Variants in SHC2 observed in about 807,000 individuals in gnomAD.
The protein encoded by SHC2 is SHC adaptor protein 2.
In SHC2, 62 loss-of-function variants were observed where a neutral mutation model predicts 60.6. The observed-to-expected ratio is 1.02, with a 90% confidence interval of 0.83 to 1.26. The LOEUF (loss-of-function observed/expected upper bound fraction) is 1.26, where lower values mean the gene tolerates loss of function less well. Ranked by LOEUF, SHC2 falls within the 50% of genes most tolerant of loss-of-function variation. The probability of loss-of-function intolerance (pLI) is 0.00; values close to 1 mark genes in which losing one functional copy is unlikely to be tolerated. For missense variants in SHC2, 873 were observed against 822.2 expected (o/e 1.06, Z -0.76); for synonymous variants, 375 against 372.4 (o/e 1.01, Z -0.08).
chr19:446,041 G>A lies in SHC2; in HGVS notation c.469-5109C>T, dbSNP rs1568294660. Among the ~76,000 whole-genome samples, 1 of 151,582 alleles carries A rather than the reference G, an allele frequency of 6.6e-6. No individual in the cohort carries two copies. The highest frequency in any genetic ancestry group is 1.5e-5 in the Non-Finnish European group (1 of 67,888). Reference sequence around the variant, plus strand: ...CTGCACTCGAGCCTGGGTGACAGAGGGAGAGTCTGTCTCAAAATAAAAAAA... The same window carrying A: ...CTGCACTCGAGCCTGGGTGACAGAGAGAGAGTCTGTCTCAAAATAAAAAAA... On this transcript the variant is annotated intron_variant, in intron 1 of 12. Transcript: ENST00000264554. The surrounding 1 kb of genome is among the most constrained non-coding windows in gnomAD (Gnocchi z 5.4).
intron 4 of SHC2, 126 bp from the exon 5 acceptor site, chr19:436,809 TGGACAG>T (rs1974734991): frequency 4.3e-6 from 4 of 933,990 alleles, no homozygotes; most frequent in Non-Finnish European, 6.5e-6. Flanking sequence ...AGACGTCTCC[TGGACAG>T]GCACCCACTG....
chr19:444,842 A>G (rs560355835), intron 1 of SHC2, among the ~76,000 whole-genome samples: 2 of 152,300 alleles, frequency 1.3e-5, no homozygotes, highest in East Asian at 1.9e-4. Flanking sequence ...CTGTGGACAC[A>G]CTGTGCACGT....
At chr19:443,345 T>G (rs978739540) in intron 1 of SHC2, among the ~76,000 whole-genome samples, 1,139 of 47,528 alleles carry the variant, frequency 0.024, no homozygotes, top group Middle Eastern at 0.1. Context: ...TGGATGGATG[T>G]GTAGGTGGAT....
At chr19:421,372 C>A (rs1974265001) in intron 11 of SHC2, among the ~76,000 whole-genome samples, 1 of 139,400 alleles carries the variant, frequency 7.2e-6, no homozygotes, top group South Asian at 2.2e-4. Context: ...TGCATTCCAG[C>A]CGGGGCAACA....
At chr19:454,517 C>T (rs544892230) in intron 1 of SHC2, among the ~76,000 whole-genome samples, 8 of 152,284 alleles carry the variant, frequency 5.3e-5, no homozygotes, top group African/African-American at 1.4e-4. Flanking sequence ...CCGGACGCGA[C>T]GGCGCACACC....
chr19:429,027 A>G (rs977126007), intron 9 of SHC2, among the ~76,000 whole-genome samples: 3 of 150,294 alleles, frequency 2.0e-5, no homozygotes, highest in African/African-American at 2.5e-5. Context: ...GAAACCTAAT[A>G]CCGTGTGGAT....
In SHC2 at chr19:422,471, C is replaced by T; in HGVS notation, c.1310-15G>A. 1 of 1,507,858 alleles carries T rather than the reference C, an allele frequency of 6.6e-7. No individual in the cohort carries two copies. The allele number at this position is 1,507,858 out of a possible 1,614,324, so 93.4% of individuals were successfully genotyped here. On this transcript the variant is annotated splice_polypyrimidine_tract_variant and intron_variant, in intron 10 of 12. Transcript: ENST00000264554. The surrounding 1 kb of genome is among the most constrained non-coding windows in gnomAD (Gnocchi z 5.0). ...CTCAAAGGGTCCTGCAGGCCAGGGA[C>T]AGGAGTGCTGGGCAGGCAGGGGGCA... is the stretch of plus-strand genomic sequence containing the variant.
chr19:436,915 G>T (rs938043345), intron 4 of SHC2, among the ~76,000 whole-genome samples: 2 of 152,122 alleles, frequency 1.3e-5, no homozygotes, highest in Non-Finnish European at 2.9e-5. Flanking sequence ...GATGTGTGGG[G>T]TCCGCAGGAG....
At chr19:420,332 C>T (rs1030584071) in intron 11 of SHC2, among the ~76,000 whole-genome samples, 1 of 152,154 alleles carries the variant, frequency 6.6e-6, no homozygotes, top group Non-Finnish European at 1.5e-5. Context: ...CCTGCCCGCC[C>T]GCCGCCGTGT....
intron 1 of SHC2, among the ~76,000 whole-genome samples, chr19:448,237 G>A (rs780058232): frequency 4.6e-5 from 7 of 152,238 alleles, no homozygotes; most frequent in Middle Eastern, 3.2e-3. Flanking sequence ...CAGGGCTGCC[G>A]TGAGCAAAGG....
chr19:442,955 A>ATGGACGGGTGGGTGAATGGATGGC (rs1974938404), intron 1 of SHC2, among the ~76,000 whole-genome samples: 1 of 10,618 alleles, frequency 9.4e-5, no homozygotes, highest in African/African-American at 7.3e-4. Flanking sequence ...GAATGGATGG[A>ATGGACGGGTGGGTGAATGGATGGC]TGGACGGGTG....
chr19:419,561 G>A (rs1974224990), intron 11 of SHC2: 1 of 152,634 alleles, frequency 6.6e-6, no homozygotes, highest in African/African-American at 2.4e-5. Context: ...GCGCCGGGAG[G>A]GGCCTGGGAC....
chr19:427,320 G>C (rs1039758889), intron 9 of SHC2, among the ~76,000 whole-genome samples: 1 of 152,238 alleles, frequency 6.6e-6, no homozygotes, highest in African/African-American at 2.4e-5. Context: ...ATTAAGGCCG[G>C]CGCTCCGTGA....
intron 7 of SHC2, chr19:435,643 G>A (rs1974697141): frequency 6.5e-6 from 1 of 153,786 alleles, no homozygotes; most frequent in South Asian, 2.1e-4. Context: ...GCCAAATCCA[G>A]CTCACCGCCT....
In SHC2 at chr19:453,376, C is replaced by T. The variant is rs1398551746; in HGVS notation, c.468+7153G>A. On this transcript the variant is annotated intron_variant, in intron 1 of 12. Transcript: ENST00000264554. The surrounding 1 kb of genome is among the most constrained non-coding windows in gnomAD (Gnocchi z 6.3). ...CCTCGAATTCTCAGGCTCACGTGCTCCTCCTGCCTCAGTCTCCCACATAGC... is the reference window on the plus strand; with the variant it reads ...CCTCGAATTCTCAGGCTCACGTGCTTCTCCTGCCTCAGTCTCCCACATAGC... The T allele has an allele frequency of 2.0e-5, 3 of 152,248 alleles. No homozygotes were observed. The highest frequency in any genetic ancestry group is 4.4e-5 in the Non-Finnish European group (3 of 68,108). 9.4% of individuals were successfully genotyped at this position (152,248 alleles called of 1,614,324 possible).
At chr19:460,067 C>T (rs1057317210) in intron 1 of SHC2, among the ~76,000 whole-genome samples, 1 of 152,238 alleles carries the variant, frequency 6.6e-6, no homozygotes, top group Non-Finnish European at 1.5e-5. Flanking sequence ...CCCTGGAAGT[C>T]CCTGCTGCCT....
At chr19:459,954 G>A (rs1005512672) in intron 1 of SHC2, among the ~76,000 whole-genome samples, 2 of 152,200 alleles carry the variant, frequency 1.3e-5, no homozygotes, top group Non-Finnish European at 2.9e-5. Flanking sequence ...ACCCTCCTAG[G>A]TGGAGGCGTG....
Position 434,690 on chromosome 19 carries a change from C to G in SHC2, c.1110+19G>C, listed in dbSNP as rs1378400550. On this transcript the variant is annotated intron_variant, in intron 8 of 12. Transcript: ENST00000264554. ...GCTGGGGCATCCCTGTCCCCATCCC[C>G]CCGAGGGCAGAGGCTGACCTGGTCG... 3 of 1,598,280 alleles carry G rather than the reference C, an allele frequency of 1.9e-6. No individual in the cohort carries two copies. The highest frequency in any genetic ancestry group is 2.6e-6 in the Non-Finnish European group (3 of 1,173,906).
chr19:418,462 C>T (rs1221193425), intron 12 of SHC2, among the ~76,000 whole-genome samples: 1 of 152,234 alleles, frequency 6.6e-6, no homozygotes, highest in Non-Finnish European at 1.5e-5. Context: ...GCAGCCCCAG[C>T]GTCCATCAGC....
Sources: allele counts gnomAD v4.1 joint callset (sites outside exome capture counted in the v4.1 genomes callset), GRCh38; gene constraint gnomAD v4.1.1; non-coding constraint Gnocchi (gnomAD v3.1); transcripts MANE v1.5; gene names NCBI Gene and HGNC (gene_info 2026-07-23, HGNC 2026-07-21).